Variants in IRAK1BP1 observed in about 807,000 individuals in gnomAD.
IRAK1BP1 encodes interleukin 1 receptor associated kinase 1 binding protein 1, also known as interleukin-1 receptor-associated kinase 1-binding protein 1.
IRAK1BP1 carries 24 observed loss-of-function variants against 28.0 expected under a neutral mutation model. That is an observed-to-expected ratio of 0.86 (90% CI 0.62 to 1.20). IRAK1BP1 has a LOEUF of 1.20. IRAK1BP1 is among the 50% of genes most tolerant of loss of function. The probability of loss-of-function intolerance (pLI) is 0.00; values close to 1 mark genes in which losing one functional copy is unlikely to be tolerated. For missense variants in IRAK1BP1, 336 were observed against 316.7 expected (o/e 1.06, Z -0.46); for synonymous variants, 131 against 116.3 (o/e 1.13, Z -0.81).
chr6:78,886,680 A>C (rs1340487676), intron 2 of IRAK1BP1, among the ~76,000 whole-genome samples: 1 of 152,194 alleles, frequency 6.6e-6, no homozygotes, highest in Admixed American at 6.5e-5. Flanking sequence ...AATAAGAAAA[A>C]AGAAACAGTT....
At chr6:78,926,814 C>T (rs923280573) in intron 4 of IRAK1BP1, among the ~76,000 whole-genome samples, 2 of 152,086 alleles carry the variant, frequency 1.3e-5, no homozygotes, top group South Asian at 4.1e-4. Flanking sequence ...TCTTTCTGTG[C>T]CTGGCTTATT....
At chr6:78,975,943 T>C in the IRAK1BP1 span, among the ~76,000 whole-genome samples, 1 of 151,248 alleles carries the variant, frequency 6.6e-6, no homozygotes. Flanking sequence ...AAAATGGCCA[T>C]ACTGCCCAAG....
At chr6:78,935,308 G>A (rs1401139641) in intron 4 of IRAK1BP1, among the ~76,000 whole-genome samples, 7 of 152,088 alleles carry the variant, frequency 4.6e-5, no homozygotes, top group African/African-American at 1.7e-4. Context: ...ATCACTCCAT[G>A]TGCTTAATTT....
downstream of IRAK1BP1, among the ~76,000 whole-genome samples, chr6:78,950,473 T>G (rs1008837867): frequency 7.2e-5 from 11 of 152,314 alleles, no homozygotes; most frequent in African/African-American, 2.4e-4. Flanking sequence ...CATCCAGGAC[T>G]AGACATTTGT....
chr6:78,891,841 CAT>C (rs1285479038), intron 2 of IRAK1BP1, among the ~76,000 whole-genome samples: 1 of 152,166 alleles, frequency 6.6e-6, no homozygotes, highest in East Asian at 1.9e-4. Flanking sequence ...TATAACTACT[CAT>C]ATAGTTTTCT....
Position 78,885,450 on chromosome 6 carries a change from A to G in IRAK1BP1, c.381+7A>G, listed in dbSNP as rs1025994681. 1 of 1,386,032 alleles carries G rather than the reference A, an allele frequency of 7.2e-7. No homozygotes were observed. The highest frequency in any genetic ancestry group is 1.0e-6 in the Non-Finnish European group (1 of 995,056). 85.9% of individuals were successfully genotyped at this position (1,386,032 alleles called of 1,614,324 possible). On this transcript the variant is annotated splice_region_variant and intron_variant, in intron 2 of 3. Transcript: ENST00000369940. Reference sequence around the variant, plus strand: ...TTATCACATGGAAGCAGAGGTATGTACTTAACAAATAATTGGAAGCAGCAT... The same window carrying G: ...TTATCACATGGAAGCAGAGGTATGTGCTTAACAAATAATTGGAAGCAGCAT...
At chr6:78,944,839 C>G (rs1186172852) in intron 4 of IRAK1BP1, among the ~76,000 whole-genome samples, 3 of 152,140 alleles carry the variant, frequency 2.0e-5, no homozygotes, top group Admixed American at 6.5e-5. Flanking sequence ...CTTCATCTTT[C>G]AAACATAAAG....
intron 4 of IRAK1BP1, among the ~76,000 whole-genome samples, chr6:78,926,734 T>G (rs1772901002): frequency 6.6e-6 from 1 of 152,010 alleles, no homozygotes; most frequent in South Asian, 2.1e-4. Context: ...CATCCTCTAC[T>G]CCCTATCTCC....
chr6:78,944,539 G>C (rs1231546039), intron 4 of IRAK1BP1, among the ~76,000 whole-genome samples: 1 of 152,200 alleles, frequency 6.6e-6, no homozygotes, highest in Admixed American at 6.5e-5. Context: ...AGATGTTATG[G>C]AGGGAGAAAC....
intron 2 of IRAK1BP1, among the ~76,000 whole-genome samples, chr6:78,886,293 T>A (rs1456792225): frequency 1.3e-5 from 2 of 152,164 alleles, no homozygotes; most frequent in Non-Finnish European, 2.9e-5. Flanking sequence ...AGATAGAAAT[T>A]AGAACCCTGG....
At chr6:78,884,096 A>C (rs1273299411) in intron 1 of IRAK1BP1, among the ~76,000 whole-genome samples, 1 of 152,188 alleles carries the variant, frequency 6.6e-6, no homozygotes, top group Non-Finnish European at 1.5e-5. Context: ...TATTACTTTC[A>C]TAATAAAAAT....
At chr6:78,921,740 A>G (rs1368893229) in intron 4 of IRAK1BP1, among the ~76,000 whole-genome samples, 1 of 152,204 alleles carries the variant, frequency 6.6e-6, no homozygotes, top group Non-Finnish European at 1.5e-5. Context: ...CAGAGGAACG[A>G]TCAGGCAGCA....
rs1771973011 is a variant in IRAK1BP1, at chr6:78,898,354, T to C, written c.*20T>C. 2 of 1,356,456 alleles carry C rather than the reference T, an allele frequency of 1.5e-6. No homozygotes were observed. The highest frequency in any genetic ancestry group is 3.0e-5 in the African/African-American group (2 of 67,498). 84.0% of individuals were successfully genotyped at this position (1,356,456 alleles called of 1,614,324 possible). On this transcript the variant is annotated 3_prime_UTR_variant, in exon 4 of 4. Transcript: ENST00000369940. The stretch of plus-strand genomic sequence containing the variant: ...CTTTGAAATTCCAAACAAATTATAT[T>C]GTACTTGTATCTTTTTACCTATTTT...
intron 1 of IRAK1BP1, among the ~76,000 whole-genome samples, chr6:78,882,219 CAG>C (rs1771254786): frequency 1.3e-5 from 2 of 151,944 alleles, no homozygotes; most frequent in Admixed American, 1.3e-4. Flanking sequence ...TATCTTGCAA[CAG>C]AAAGTAAGAA....
intron 4 of IRAK1BP1, among the ~76,000 whole-genome samples, chr6:78,927,123 A>C (rs1772910478): frequency 6.6e-6 from 1 of 152,092 alleles, no homozygotes; most frequent in Admixed American, 6.5e-5. Context: ...GGAACCTCCA[A>C]ACTATTCTCC....
At chr6:78,871,021 C>T (rs1340623238) in intron 1 of IRAK1BP1, among the ~76,000 whole-genome samples, 1 of 151,992 alleles carries the variant, frequency 6.6e-6, no homozygotes, top group East Asian at 1.9e-4. Flanking sequence ...CATTTTTAAA[C>T]AATACTTTAT....
intron 4 of IRAK1BP1, chr6:78,937,420 C>T (rs930225074): frequency 2.6e-5 from 4 of 151,664 alleles, no homozygotes; most frequent in African/African-American, 9.7e-5. Context: ...GATTCCTCTA[C>T]TGCACTGCAG....
intron 1 of IRAK1BP1, among the ~76,000 whole-genome samples, chr6:78,869,748 T>C (rs541442307): frequency 3.9e-5 from 6 of 152,306 alleles, no homozygotes; most frequent in African/African-American, 1.4e-4. Context: ...AATTCTGAGC[T>C]GTAAGATTTA....
chr6:78,885,729 G>A (rs993094948), intron 2 of IRAK1BP1, among the ~76,000 whole-genome samples: 1 of 152,108 alleles, frequency 6.6e-6, no homozygotes, highest in African/African-American at 2.4e-5. Context: ...CACTACAGGA[G>A]AGAAATTTCT....
Sources: gnomAD v4.1 joint callset for allele counts (sites outside exome capture counted in the v4.1 genomes callset) on GRCh38, gnomAD v4.1.1 for gene constraint, MANE v1.5 for transcripts, NCBI Gene and HGNC (gene_info 2026-07-23, HGNC 2026-07-21) for gene names.